The following DLGAP2 variants were observed in gnomAD, a reference collection of about 807,000 sequenced individuals.
The protein encoded by DLGAP2 is DLG associated protein 2, also known as disks large-associated protein 2.
Under a neutral mutation model 100.3 loss-of-function variants are expected in DLGAP2, and 26 were observed. The ratio of observed to expected loss-of-function variants is 0.26; its 90% confidence interval spans 0.19 to 0.36. DLGAP2 has a LOEUF of 0.36. Among genes scored for constraint, DLGAP2 ranks in the 10% least tolerant of loss-of-function variants. DLGAP2 has a pLI of 1.00. For synonymous variants in DLGAP2, 886 were observed against 630.1 expected, an observed-to-expected ratio of 1.41 and a Z score of -6.08; for missense variants, 1,858 against 1,453.2, an observed-to-expected ratio of 1.28 and a Z score of -4.53.
chr8:1,326,520 C>G (rs373011841), intron 3 of DLGAP2, among the ~76,000 whole-genome samples: 1 of 150,812 alleles, frequency 6.6e-6, no homozygotes, highest in Non-Finnish European at 1.5e-5. Context: ...GGCGTGCACT[C>G]GGTCTCGGTC....
rs957020474 is a variant in DLGAP2, at chr8:1,355,217, G to A, written c.106+96334G>A. Among the ~76,000 whole-genome samples, 6 of 152,274 alleles carry A rather than the reference G, an allele frequency of 3.9e-5. 1 individual carries two copies. Among genetic ancestry groups the A allele is most frequent in the East Asian group, 3.8e-4 (2 of 5,200 alleles). ...ACAGTGGTGGCACCCGCGTGCTGGCGTGACAGCGGTGACACCTGCGTGCCA... is the reference window on the plus strand; with the variant it reads ...ACAGTGGTGGCACCCGCGTGCTGGCATGACAGCGGTGACACCTGCGTGCCA... On this transcript the variant is annotated intron_variant, in intron 3 of 14. Coordinates refer to ENST00000637795, the MANE Select transcript of DLGAP2 (RefSeq NM_001346810.2).
chr8:1,309,013 G>C (rs1401401638), intron 3 of DLGAP2, among the ~76,000 whole-genome samples: 1 of 152,128 alleles, frequency 6.6e-6, no homozygotes, highest in African/African-American at 2.4e-5. Context: ...GTAGAGGAAA[G>C]TGTCTACAGT....
intron 2 of DLGAP2, among the ~76,000 whole-genome samples, chr8:1,258,270 C>G (rs961797577): frequency 1.3e-5 from 2 of 152,174 alleles, no homozygotes; most frequent in African/African-American, 2.4e-5. Context: ...GTTATTTCAT[C>G]TAAGTAATTT....
At chr8:1,228,670 AG>A (rs1798472965) in intron 2 of DLGAP2, among the ~76,000 whole-genome samples, 1 of 152,232 alleles carries the variant, frequency 6.6e-6, no homozygotes, top group East Asian at 1.9e-4. Flanking sequence ...ACATATTAAT[AG>A]AATAAAAAGG....
intron 2 of DLGAP2, among the ~76,000 whole-genome samples, chr8:1,045,786 A>G (rs10099460): frequency 8.9e-4 from 136 of 152,254 alleles, no homozygotes; most frequent in Non-Finnish European, 1.4e-3. Flanking sequence ...TTCCTGGCAC[A>G]TAGTAAGTGC....
At position 1,527,436 on chromosome 8, in the gene DLGAP2, T is replaced by G. The variant is rs145656288; in HGVS notation, c.173-21190T>G. Among the ~76,000 whole-genome samples, 136 of 152,316 alleles carry G rather than the reference T, an allele frequency of 8.9e-4. 1 individual carries two copies. In the East Asian group the frequency reaches 0.013, roughly 14 times the overall value. On this transcript the variant is annotated intron_variant, in intron 4 of 14. Transcript: ENST00000637795. ...GATGGCGCCAGGAAGAGGATGTCAG[T>G]GGAAAGCCATAATAAGTTCAAACAT...
At chr8:1,261,566 G>T (rs575054352) in intron 3 of DLGAP2, among the ~76,000 whole-genome samples, 2 of 151,010 alleles carry the variant, frequency 1.3e-5, no homozygotes, top group Non-Finnish European at 1.5e-5. Context: ...GGGGTGGGAG[G>T]GGGGGCTGGG....
At position 1,262,471 on chromosome 8, in the gene DLGAP2, G is replaced by A. The variant is rs528411021; in HGVS notation, c.106+3588G>A. ...ATGCAGCGTGGCGTGAAAATGGAGC[G>A]GCATTTTAGTTAACGAGGGTCTGGA... On this transcript the variant is annotated intron_variant, in intron 3 of 14. Transcript: ENST00000637795. The A allele has an allele frequency of 9.2e-5, 14 of 152,188 alleles. No individual in the cohort carries two copies. In the East Asian group the frequency reaches 2.1e-3, roughly 23 times the overall value. The allele number at this position is 152,188 out of a possible 1,614,324, so 9.4% of individuals were successfully genotyped here.
intron 2 of DLGAP2, among the ~76,000 whole-genome samples, chr8:1,030,464 T>C (rs905628187): frequency 6.6e-6 from 1 of 152,184 alleles, no homozygotes; most frequent in African/African-American, 2.4e-5. Context: ...GGATGTGCAA[T>C]GTGGGGTGCA....
At chr8:897,971 A>G (rs1259931290) in intron 1 of DLGAP2, among the ~76,000 whole-genome samples, 2 of 152,128 alleles carry the variant, frequency 1.3e-5, no homozygotes, top group African/African-American at 2.4e-5. Flanking sequence ...ACCTCCATCC[A>G]GGCCTGGATC....
chr8:1,076,165 C>T (rs974580275), intron 2 of DLGAP2, among the ~76,000 whole-genome samples: 5 of 152,222 alleles, frequency 3.3e-5, no homozygotes, highest in African/African-American at 9.7e-5. Flanking sequence ...CACAAGCTTG[C>T]CTGTCCCATG....
At chr8:1,214,559 C>G (rs1014759452) in intron 2 of DLGAP2, among the ~76,000 whole-genome samples, 1 of 152,204 alleles carries the variant, frequency 6.6e-6, no homozygotes, top group African/African-American at 2.4e-5. Context: ...AGTGGAGTAA[C>G]CTTCTCACAC....
At position 1,676,598 on chromosome 8, in the gene DLGAP2, G is replaced by A. The variant is rs752051468; in HGVS notation, c.2268G>A (p.Val756=). Residue 756 remains valine (V), a synonymous_variant, in exon 11 of 15, where the codon GTG becomes GTA. Transcript: ENST00000637795. ...TGCGGGAATACCACTCTGTCGGGGT[G>A]CAAGTGGAAGATGAGAAGCGGTAAC... The part of the protein sequence containing the change: ...RGLREYHSVG[V]QVEDEKRHGR... The A allele has an allele frequency of 6.2e-7, 1 of 1,613,100 alleles. No individual in the cohort carries two copies.
At chr8:859,170 G>T (rs1797342366) in intron 1 of DLGAP2, among the ~76,000 whole-genome samples, 1 of 150,648 alleles carries the variant, frequency 6.6e-6, no homozygotes, top group South Asian at 2.1e-4. Context: ...GGAGTGCAGT[G>T]GCGCAATCTC....
At chr8:1,370,227 G>T (rs1377823671) in intron 3 of DLGAP2, among the ~76,000 whole-genome samples, 2 of 152,122 alleles carry the variant, frequency 1.3e-5, no homozygotes, top group African/African-American at 4.8e-5. Context: ...TCTGAAGGCA[G>T]GTAGAAAATG....
intron 2 of DLGAP2, among the ~76,000 whole-genome samples, chr8:1,041,989 G>A (rs939198675): frequency 1.3e-5 from 2 of 152,164 alleles, no homozygotes; most frequent in African/African-American, 2.4e-5. Flanking sequence ...CTTCTGGCTC[G>A]GCTGTCGAGG....
At chr8:1,528,995 C>T (rs1291627802) in intron 4 of DLGAP2, among the ~76,000 whole-genome samples, 1 of 152,218 alleles carries the variant, frequency 6.6e-6, no homozygotes, top group African/African-American at 2.4e-5. Context: ...TAACCTTCCT[C>T]ATGTTTATAA....
At chr8:1,307,807 A>G (rs73170445) in intron 3 of DLGAP2, among the ~76,000 whole-genome samples, 4,795 of 152,266 alleles carry the variant, frequency 0.031, 124 homozygotes, top group Non-Finnish European at 0.049. Flanking sequence ...ATGAGGTACG[A>G]AAGCAGTCGA....
intron 1 of DLGAP2, among the ~76,000 whole-genome samples, chr8:845,688 T>C (rs932158702): frequency 1.3e-5 from 2 of 152,238 alleles, no homozygotes; most frequent in African/African-American, 4.8e-5. Context: ...GTTTATTTCT[T>C]TTTTTGCTGC....
Sources: allele counts gnomAD v4.1 joint callset (sites outside exome capture counted in the v4.1 genomes callset), GRCh38; gene constraint gnomAD v4.1.1; transcripts MANE v1.5; gene names NCBI Gene and HGNC (gene_info 2026-07-23, HGNC 2026-07-21).